The following TAOK3 variants were observed in gnomAD, a reference collection of about 807,000 sequenced individuals.
The protein encoded by TAOK3 is serine/threonine-protein kinase TAO3.
In TAOK3, 40 loss-of-function variants were observed where a neutral mutation model predicts 120.4. The ratio of observed to expected loss-of-function variants is 0.33; its 90% CI spans 0.26 to 0.43. The LOEUF (loss-of-function observed/expected upper bound fraction) is 0.43. Ranked by LOEUF, TAOK3 falls within the 20% of genes least tolerant of loss-of-function variation. The pLI, the probability that TAOK3 is intolerant of heterozygous loss-of-function variation, is 1.00. For synonymous variants in TAOK3, 355 were observed against 387.5 expected, an observed-to-expected ratio of 0.92 and a Z score of 0.99; for missense variants, 821 against 1,112.1, an observed-to-expected ratio of 0.74 and a Z score of 3.72.
At chr12:118,278,172 G>C (rs1468398018) in intron 1 of TAOK3, among the ~76,000 whole-genome samples, 4 of 151,986 alleles carry the variant, frequency 2.6e-5, no homozygotes, top group Non-Finnish European at 5.9e-5. Flanking sequence ...TAGGTTCAGG[G>C]GTACATGTGC....
chr12:118,242,058 G>T (rs2040275920), intron 5 of TAOK3, among the ~76,000 whole-genome samples: 1 of 150,384 alleles, frequency 6.6e-6, no homozygotes, highest in East Asian at 1.9e-4. Flanking sequence ...TTGCACTCCA[G>T]CCTGGGCAAC....
intron 11 of TAOK3, among the ~76,000 whole-genome samples, chr12:118,207,845 G>A (rs111291910): frequency 7.0e-4 from 68 of 96,594 alleles, no homozygotes; most frequent in African/African-American, 1.1e-3. Context: ...GGGCAACGGC[G>A]CGAGACTCTG....
At chr12:118,264,720 T>G (rs183750448) in intron 2 of TAOK3, among the ~76,000 whole-genome samples, 15 of 152,296 alleles carry the variant, frequency 9.8e-5, no homozygotes, top group Non-Finnish European at 1.8e-4. Context: ...GTACACATTA[T>G]TGTTGTAGAA....
intron 1 of TAOK3, chr12:118,295,418 G>C (rs1319508996): frequency 6.6e-6 from 1 of 152,154 alleles, no homozygotes; most frequent in Non-Finnish European, 1.5e-5. Flanking sequence ...GTGTTTTAGA[G>C]AGGATGAAAT....
Position 118,234,539 on chromosome 12 carries a change from T to G in TAOK3, c.552-774A>C, listed in dbSNP as rs541421334. On this transcript the variant is annotated intron_variant, in intron 8 of 20. Coordinates refer to ENST00000392533, the MANE Select transcript of TAOK3 (RefSeq NM_016281.4). ...GATTACTGGCGTGAGCCACCGCGCC[T>G]GGAGTCTTTTTTTGTTGTTGTTGTT... Among the ~76,000 whole-genome samples, 4 of 152,240 alleles carry G rather than the reference T, an allele frequency of 2.6e-5. No homozygotes were observed. In the South Asian group the frequency reaches 8.3e-4, roughly 32 times the overall value.
At chr12:118,191,665 G>A (rs191626) in intron 13 of TAOK3, among the ~76,000 whole-genome samples, 112,021 of 152,052 alleles carry the variant, frequency 0.74, 41,461 homozygotes, top group African/African-American at 0.81. Flanking sequence ...TTGAACTCCT[G>A]TTTTACAGGG....
chr12:118,217,843 A>G lies in TAOK3; in HGVS notation c.644-3733T>C, dbSNP rs1353575538. 2.0e-3 allele frequency among the ~76,000 whole-genome samples: 214 copies of G among 105,194 alleles called. 12 individuals carry two copies. The East Asian group carries it at 0.045, about 22-fold the overall frequency. 69.0% of individuals were successfully genotyped at this position (105,194 alleles called of 152,430 possible). A position where few individuals can be genotyped will look rare whatever the true frequency, so the allele number is the denominator to read the frequency against. ...TATATATATATATATATATATATAT[A>G]TATATATATATATATATACACTTTT... On this transcript the variant is annotated intron_variant, in intron 9 of 20. Transcript: ENST00000392533.
intron 16 of TAOK3, among the ~76,000 whole-genome samples, chr12:118,173,236 G>C (rs1249417083): frequency 6.6e-6 from 1 of 152,188 alleles, no homozygotes; most frequent in Non-Finnish European, 1.5e-5. Context: ...GAGGAAACAT[G>C]GTGCCATCAA....
chr12:118,296,524 CG>C (rs1160378078), intron 1 of TAOK3, among the ~76,000 whole-genome samples: 1 of 152,098 alleles, frequency 6.6e-6, no homozygotes, highest in Non-Finnish European at 1.5e-5. Context: ...AAGAATGGGA[CG>C]GGGGAGACTG....
chr12:118,350,071 A>AT (rs1473744441), intron 1 of TAOK3, among the ~76,000 whole-genome samples: 1 of 152,210 alleles, frequency 6.6e-6, no homozygotes, highest in Non-Finnish European at 1.5e-5. Flanking sequence ...GCCTAAAATG[A>AT]TTTTTTAAAA....
At chr12:118,246,383 C>T in intron 3 of TAOK3, 1 of 1,582,098 alleles carries the variant, frequency 6.3e-7, no homozygotes, top group Non-Finnish European at 8.6e-7. Flanking sequence ...TCCTGGGGGC[C>T]TCTCTCAAGG....
At chr12:118,314,249 G>A (rs1199473851) in intron 1 of TAOK3, among the ~76,000 whole-genome samples, 1 of 152,250 alleles carries the variant, frequency 6.6e-6, no homozygotes, top group African/African-American at 2.4e-5. Flanking sequence ...CAAAATCAAT[G>A]TTTCATATGG....
chr12:118,158,482 CTT>C (rs1182789980), intron 19 of TAOK3, among the ~76,000 whole-genome samples: 3 of 152,190 alleles, frequency 2.0e-5, no homozygotes, highest in Non-Finnish European at 4.4e-5. Context: ...CAAACTCACT[CTT>C]TTATTGTTCT....
intron 14 of TAOK3, among the ~76,000 whole-genome samples, chr12:118,183,550 T>C (rs937934078): frequency 6.6e-6 from 1 of 152,188 alleles, no homozygotes; most frequent in Admixed American, 6.6e-5. Flanking sequence ...AATGTGTTTT[T>C]TTAATGGACA....
chr12:118,266,806 G>C (rs1178521981), intron 1 of TAOK3, 47 bp from the exon 2 acceptor site: 1 of 390,940 alleles, frequency 2.6e-6, no homozygotes, highest in Non-Finnish European at 4.5e-6. Context: ...CCAAATTAAA[G>C]AATCAATAAT....
At chr12:118,163,581 C>A in intron 17 of TAOK3, among the ~76,000 whole-genome samples, 1 of 149,724 alleles carries the variant, frequency 6.7e-6, no homozygotes, top group African/African-American at 2.5e-5. Flanking sequence ...CCACCATGCC[C>A]AGCCAGGAAA....
Position 118,275,501 on chromosome 12 carries a change from G to A in TAOK3, c.-193-8742C>T, listed in dbSNP as rs371662930. 2.6e-5 allele frequency among the ~76,000 whole-genome samples: 4 copies of A among 152,274 alleles called. No homozygotes were observed. The South Asian group carries it at 8.3e-4, about 32-fold the overall frequency. Reference sequence around the variant, plus strand: ...AGAATGTATAATATGAAAACTTTATGTAACTATAATACACAATAATTTGCT... The same window carrying A: ...AGAATGTATAATATGAAAACTTTATATAACTATAATACACAATAATTTGCT... On this transcript the variant is annotated intron_variant, in intron 1 of 20. Transcript: ENST00000392533.
At chr12:118,204,415 G>C (rs952066345) in intron 11 of TAOK3, among the ~76,000 whole-genome samples, 1 of 152,088 alleles carries the variant, frequency 6.6e-6, no homozygotes, top group Non-Finnish European at 1.5e-5. Flanking sequence ...AATTTAAACA[G>C]ATAAAAAATA....
intron 5 of TAOK3, among the ~76,000 whole-genome samples, chr12:118,241,848 T>G (rs1246394439): frequency 2.0e-5 from 3 of 152,122 alleles, no homozygotes; most frequent in Non-Finnish European, 4.4e-5. Context: ...CAGTGGCTCA[T>G]GCCTGTAATT....
Sources: gnomAD v4.1 joint callset for allele counts (sites outside exome capture counted in the v4.1 genomes callset) on GRCh38, gnomAD v4.1.1 for gene constraint, MANE v1.5 for transcripts, NCBI Gene and HGNC (gene_info 2026-07-23, HGNC 2026-07-21) for gene names.